Variants in DDX42 observed in about 807,000 individuals in gnomAD.
The protein encoded by DDX42 is ATP-dependent RNA helicase DDX42.
A neutral mutation model predicts 101.5 loss-of-function variants in DDX42; 22 were observed. The observed-to-expected ratio is 0.22, with a 90% CI of 0.15 to 0.31. The LOEUF is 0.31. Ranked by LOEUF, DDX42 falls within the 10% of genes least tolerant of loss-of-function variation. DDX42 has a pLI of 1.00. For synonymous variants in DDX42, 402 were observed against 401.2 expected (o/e 1.00, Z -0.02); for missense variants, 849 against 1,199.9 (o/e 0.71, Z 4.32).
At chr17:63,804,941 A>T (rs1035472722) in intron 6 of DDX42, 130 bp from the exon 7 acceptor site, 14 of 1,165,624 alleles carry the variant, frequency 1.2e-5, no homozygotes, top group South Asian at 1.7e-5. Context: ...GAATAAATTA[A>T]TTTTTTTGCT....
Position 63,802,907 on chromosome 17 carries a change from T to C in DDX42, c.622-2164T>C, listed in dbSNP as rs375356984. On this transcript the variant is annotated intron_variant, in intron 6 of 17. Coordinates refer to ENST00000389924, the MANE Select transcript of DDX42 (RefSeq NM_203499.3). ...CCTGGGCAATAAGAACAACACTCCA[T>C]CTCAAAAAAAAAAAAAAATTCAAGC... Among the ~76,000 whole-genome samples the C allele has an allele frequency of 1.2e-3, 96 of 81,264 alleles. 2 individuals carry two copies. Among genetic ancestry groups the C allele is most frequent in the African/African-American group, 5.5e-3 (73 of 13,230 alleles). The allele number at this position is 81,264 out of a possible 152,430, so 53.3% of individuals were successfully genotyped here.
intron 2 of DDX42, among the ~76,000 whole-genome samples, chr17:63,788,094 G>A (rs914586586): frequency 4.6e-5 from 7 of 151,634 alleles, no homozygotes; most frequent in Non-Finnish European, 1.0e-4. Flanking sequence ...TAGTAGAGAT[G>A]GGGTTTCACC....
chr17:63,780,302 CAAAAA>C (rs10595007), intron 1 of DDX42, among the ~76,000 whole-genome samples: 1 of 145,060 alleles, frequency 6.9e-6, no homozygotes. Context: ...CTCAAAAAAA[CAAAAA>C]AAAAAAAAAG....
At chr17:63,786,331 C>G (rs1784243779) in intron 1 of DDX42, among the ~76,000 whole-genome samples, 1 of 152,116 alleles carries the variant, frequency 6.6e-6, no homozygotes, top group Non-Finnish European at 1.5e-5. Flanking sequence ...ACACTGTAAC[C>G]TTGAACTCCT....
chr17:63,798,142 G>A, intron 4 of DDX42, 43 bp downstream of exon 4: 1 of 1,586,874 alleles, frequency 6.3e-7, no homozygotes, highest in Non-Finnish European at 8.6e-7. Flanking sequence ...CGTGAAAACT[G>A]CTGAAGTATT....
intron 13 of DDX42, 29 bp from the exon 14 acceptor site, chr17:63,811,903 A>G: frequency 6.2e-7 from 1 of 1,614,068 alleles, no homozygotes; most frequent in Non-Finnish European, 8.5e-7. Context: ...CCAATGTCAC[A>G]ATCATCTGTT....
At chr17:63,801,966 G>A (rs1441202123) in intron 6 of DDX42, among the ~76,000 whole-genome samples, 1 of 152,168 alleles carries the variant, frequency 6.6e-6, no homozygotes, top group Non-Finnish European at 1.5e-5. Context: ...CTGGAGCAGT[G>A]GTTCTCAGTG....
chr17:63,798,259 C>T, intron 4 of DDX42, 160 bp downstream of exon 4: 1 of 599,418 alleles, frequency 1.7e-6, no homozygotes. Flanking sequence ...ATAGAGATGG[C>T]AACAGTCTTT....
chr17:63,799,596 C>T lies in DDX42; in HGVS notation c.442C>T (p.Arg148Ter). The stretch of plus-strand genomic sequence containing the variant: ...CTCCGCTTGTTTTTCCAGGGGTATT[C>T]GAGATGACATTGAAGAGGAAGATGA... ...DKERKNVKGIRDDIEEEDDQE... is the reference protein window; with the variant it reads ...DKERKNVKGI Residue 148 changes from arginine to a stop codon, truncating the protein, a stop_gained, in exon 5 of 18, where the codon CGA (arginine) becomes TGA (stop). Coordinates refer to ENST00000389924, the MANE Select transcript of DDX42 (RefSeq NM_203499.3). LOFTEE classifies it high-confidence loss of function. 2 of 1,612,310 alleles carry T rather than the reference C, an allele frequency of 1.2e-6. No homozygotes were observed. The highest frequency in any genetic ancestry group is 1.7e-6 in the Non-Finnish European group (2 of 1,178,890).
chr17:63,786,875 A>G (rs1234892173), intron 1 of DDX42, among the ~76,000 whole-genome samples, 159 bp from the exon 2 acceptor site: 2 of 152,258 alleles, frequency 1.3e-5, no homozygotes, highest in African/African-American at 4.8e-5. Context: ...AAGGGTTTTC[A>G]CCATATTGGC....
At chr17:63,814,366 C>T (rs1282918322) in intron 15 of DDX42, among the ~76,000 whole-genome samples, 1 of 152,242 alleles carries the variant, frequency 6.6e-6, no homozygotes, top group East Asian at 1.9e-4. Context: ...GGCCAGCTCA[C>T]ACAACTGGTA....
rs769703657 is a variant in DDX42, at chr17:63,800,637, A to G, written c.621+20A>G. 2.5e-6 allele frequency: 4 copies of G among 1,609,094 alleles called. No individual in the cohort carries two copies. In the East Asian group the frequency reaches 6.7e-5, roughly 27 times the overall value. On this transcript the variant is annotated intron_variant, in intron 6 of 17. Coordinates refer to ENST00000389924, the MANE Select transcript of DDX42 (RefSeq NM_203499.3). ...TCAGAGGTATGGTGTTTCTTGCTGAATTTTACTCTTGTTTCAAGCTGATGC... is the reference window on the plus strand; with the variant it reads ...TCAGAGGTATGGTGTTTCTTGCTGAGTTTTACTCTTGTTTCAAGCTGATGC...
chr17:63,786,412 A>C (rs528393374), intron 1 of DDX42, among the ~76,000 whole-genome samples: 1 of 152,034 alleles, frequency 6.6e-6, no homozygotes, highest in South Asian at 2.1e-4. Context: ...AATGAGATGG[A>C]TTTTCTTTTC....
chr17:63,788,473 A>T (rs1200882428), intron 2 of DDX42, among the ~76,000 whole-genome samples: 1 of 150,782 alleles, frequency 6.6e-6, no homozygotes, highest in African/African-American at 2.5e-5. Context: ...TGCCCAGCTA[A>T]TTTTTTGTAT....
chr17:63,795,334 T>G (rs2039680322), intron 3 of DDX42, among the ~76,000 whole-genome samples: 1 of 152,182 alleles, frequency 6.6e-6, no homozygotes, highest in African/African-American at 2.4e-5. Flanking sequence ...ATAGCACCAT[T>G]TGTCATTTCT....
rs1053085000 is a variant in DDX42, at chr17:63,811,938, G to A, written c.1405G>A (p.Glu469Lys). 1.2e-6 allele frequency: 2 copies of A among 1,614,254 alleles called. No homozygotes were observed. The highest frequency in any genetic ancestry group is 2.2e-5 in the East Asian group (1 of 44,892). ...TTCATTTCTTCCTTCTCAGGCAAAT[G>A]AAGATGTGACACAGATTGTGGAGAT... ...VVQGDIGEANEDVTQIVEILH... is the reference protein window; with the variant it reads ...VVQGDIGEANKDVTQIVEILH... The change falls in exon 14 of 18, where the codon GAA becomes AAA. Residue 469 changes from glutamate (E) to lysine (K), a missense_variant. Physicochemically the swap from Glu to Lys is moderately conservative, Grantham distance 56. Around this residue, in one of 5 missense-constraint regions of DDX42, gnomAD observed 370 missense variants for 608.8 expected, o/e 0.61. Transcript: ENST00000389924.
At chr17:63,782,332 T>C (rs1409914285) in intron 1 of DDX42, among the ~76,000 whole-genome samples, 1 of 152,198 alleles carries the variant, frequency 6.6e-6, no homozygotes, top group Non-Finnish European at 1.5e-5. Flanking sequence ...ATGGTCTCTC[T>C]GCTAGCTTAT....
intron 1 of DDX42, among the ~76,000 whole-genome samples, chr17:63,779,686 C>T (rs2039462843): frequency 6.6e-6 from 1 of 152,164 alleles, no homozygotes; most frequent in South Asian, 2.1e-4. Flanking sequence ...CTCGCAGCCC[C>T]TGGCAACCAC....
At chr17:63,781,419 G>A (rs998865561) in intron 1 of DDX42, among the ~76,000 whole-genome samples, 5 of 151,852 alleles carry the variant, frequency 3.3e-5, no homozygotes, top group Admixed American at 1.3e-4. Context: ...GGGTTTCACC[G>A]TGTTAGCCAG....
Sources: gnomAD v4.1 joint callset for allele counts (sites outside exome capture counted in the v4.1 genomes callset) on GRCh38, gnomAD v4.1.1 for gene constraint, gnomAD v4.1.1 regional missense constraint, MANE v1.5 for transcripts, NCBI Gene and HGNC (gene_info 2026-07-23, HGNC 2026-07-21) for gene names.